Variants in SH3RF1 observed in about 807,000 individuals in gnomAD.
The protein encoded by SH3RF1 is SH3 domain containing ring finger 1.
A neutral mutation model predicts 74.0 loss-of-function variants in SH3RF1; 32 were observed. That is an observed-to-expected ratio of 0.43 (90% confidence interval 0.33 to 0.58). SH3RF1 has a LOEUF of 0.58. Ranked by LOEUF, SH3RF1 falls within the 20% of genes least tolerant of loss-of-function variation. The probability of loss-of-function intolerance (pLI) is 0.05; values close to 1 mark genes in which losing one functional copy is unlikely to be tolerated. For synonymous variants in SH3RF1, 396 were observed against 439.6 expected (o/e 0.90, Z 1.24); for missense variants, 954 against 1,130.9 (o/e 0.84, Z 2.24).
intron 2 of SH3RF1, among the ~76,000 whole-genome samples, chr4:169,230,541 A>G (rs867198878): frequency 1.3e-5 from 2 of 152,204 alleles, no homozygotes; most frequent in Non-Finnish European, 2.9e-5. Context: ...AAAGCTAAAA[A>G]TATTAAGTAT....
At chr4:169,264,462 T>C (rs1731322186) in intron 2 of SH3RF1, among the ~76,000 whole-genome samples, 1 of 152,144 alleles carries the variant, frequency 6.6e-6, no homozygotes, top group South Asian at 2.1e-4. Context: ...TTGGGGGACA[T>C]AATTCAGCCC....
chr4:169,202,840 T>C (rs1848195), intron 2 of SH3RF1, among the ~76,000 whole-genome samples: 101,694 of 152,072 alleles, frequency 0.67, 34,003 homozygotes, highest in Middle Eastern at 0.79. Context: ...ATTATAAATG[T>C]TGAGGTGGTC....
intron 2 of SH3RF1, among the ~76,000 whole-genome samples, chr4:169,232,206 T>G (rs187732362): frequency 7.2e-4 from 110 of 152,274 alleles, no homozygotes; most frequent in African/African-American, 2.5e-3. Flanking sequence ...TTGGAGACAG[T>G]GCCAAAATTT....
intron 2 of SH3RF1, among the ~76,000 whole-genome samples, chr4:169,227,920 G>A (rs1032891706): frequency 6.6e-6 from 1 of 152,178 alleles, no homozygotes. Flanking sequence ...TCACAAGAGC[G>A]AATGAAGGGA....
chr4:169,213,062 C>T (rs1328977014), intron 2 of SH3RF1, among the ~76,000 whole-genome samples: 2 of 152,308 alleles, frequency 1.3e-5, no homozygotes, highest in East Asian at 3.9e-4. Flanking sequence ...CCAAGCAATG[C>T]ACTAGATCAT....
chr4:169,185,731 C>T (rs1339586987), intron 2 of SH3RF1, among the ~76,000 whole-genome samples: 2 of 152,094 alleles, frequency 1.3e-5, no homozygotes, highest in East Asian at 3.9e-4. Flanking sequence ...TCCTTTACTC[C>T]CCAGTCTTCA....
chr4:169,123,055 T>C (rs991262520), intron 6 of SH3RF1, among the ~76,000 whole-genome samples: 1 of 152,166 alleles, frequency 6.6e-6, no homozygotes, highest in Non-Finnish European at 1.5e-5. Context: ...ACACAAAGAC[T>C]GCCTGAACCG....
intron 2 of SH3RF1, among the ~76,000 whole-genome samples, chr4:169,237,767 C>T (rs915875735): frequency 6.6e-6 from 1 of 152,076 alleles, no homozygotes; most frequent in Non-Finnish European, 1.5e-5. Flanking sequence ...AGTAATAAGA[C>T]TGAAAAGAGT....
intron 2 of SH3RF1, among the ~76,000 whole-genome samples, chr4:169,254,651 C>G (rs557141316): frequency 6.6e-6 from 1 of 152,114 alleles, no homozygotes; most frequent in East Asian, 1.9e-4. Flanking sequence ...AAGCATGAAC[C>G]AGCAACGTAG....
intron 11 of SH3RF1, among the ~76,000 whole-genome samples, chr4:169,104,009 G>A (rs1395880184): frequency 1.3e-5 from 2 of 152,170 alleles, no homozygotes; most frequent in African/African-American, 4.8e-5. Flanking sequence ...TCACCTGTCT[G>A]AGCTAGCAAT....
chr4:169,264,127 G>A (rs1057080679), intron 2 of SH3RF1, among the ~76,000 whole-genome samples: 7 of 152,288 alleles, frequency 4.6e-5, no homozygotes, highest in Middle Eastern at 3.4e-3. Flanking sequence ...TACATCCAAG[G>A]GCACAGACTG....
chr4:169,141,259 A>AT (rs1561034726), intron 4 of SH3RF1, among the ~76,000 whole-genome samples: 1 of 150,630 alleles, frequency 6.6e-6, no homozygotes, highest in Non-Finnish European at 1.5e-5. Context: ...TACTTTATTG[A>AT]TTTTTAATAC....
chr4:169,212,890 G>C (rs773009655), intron 2 of SH3RF1, among the ~76,000 whole-genome samples: 2 of 152,168 alleles, frequency 1.3e-5, no homozygotes, highest in Admixed American at 1.3e-4. Flanking sequence ...GGCAACCACT[G>C]ATCTTTTTAC....
chr4:169,265,338 T>A (rs960012376), intron 2 of SH3RF1, among the ~76,000 whole-genome samples: 6 of 152,048 alleles, frequency 3.9e-5, no homozygotes, highest in African/African-American at 1.4e-4. Context: ...AATCAGGGGG[T>A]CTCATGTGAT....
intron 6 of SH3RF1, among the ~76,000 whole-genome samples, chr4:169,123,662 C>T (rs1261913290): frequency 5.3e-5 from 8 of 152,082 alleles, no homozygotes; most frequent in East Asian, 3.9e-4. Flanking sequence ...GAGGCTGAGG[C>T]GGGCGGATCA....
At chr4:169,104,236 A>C (rs1733093518) in intron 11 of SH3RF1, among the ~76,000 whole-genome samples, 1 of 152,138 alleles carries the variant, frequency 6.6e-6, no homozygotes, top group African/African-American at 2.4e-5. Flanking sequence ...AAATACCACA[A>C]ATGAGAGGGA....
At chr4:169,114,187 G>T (rs1429792538) in intron 10 of SH3RF1, among the ~76,000 whole-genome samples, 2 of 152,164 alleles carry the variant, frequency 1.3e-5, no homozygotes, top group African/African-American at 4.8e-5. Context: ...AGGTGTGGCA[G>T]GGCTGGTTCC....
intron 4 of SH3RF1, among the ~76,000 whole-genome samples, chr4:169,137,498 A>G (rs2126954855): frequency 6.6e-6 from 1 of 152,344 alleles, no homozygotes; most frequent in South Asian, 2.1e-4. Context: ...TAATGGAAAC[A>G]TAGCTCAACC....
Position 169,146,212 on chromosome 4 carries a change from TTA to T in SH3RF1, c.765+9266_765+9267del, listed in dbSNP as rs1397947434. ...TATAAAATATTATAAAATCTATATA[TTA>T]TATGTTTTATATATATACTTTTTTT... On this transcript the variant is annotated intron_variant, in intron 4 of 11. Coordinates refer to ENST00000284637, the MANE Select transcript of SH3RF1 (RefSeq NM_020870.4). Among the ~76,000 whole-genome samples the T allele has an allele frequency of 8.4e-5, 12 of 142,850 alleles. No homozygotes were observed. The South Asian group carries it at 1.9e-3, about 23-fold the overall frequency. 93.7% of individuals were successfully genotyped at this position (142,850 alleles called of 152,430 possible).
Sources: gnomAD v4.1 joint callset for allele counts (sites outside exome capture counted in the v4.1 genomes callset) on GRCh38, gnomAD v4.1.1 for gene constraint, MANE v1.5 for transcripts, NCBI Gene and HGNC (gene_info 2026-07-23, HGNC 2026-07-21) for gene names.